The following TAF2 variants were observed in gnomAD, a reference collection of about 807,000 sequenced individuals.
TAF2 encodes the protein transcription initiation factor TFIID subunit 2.
A neutral mutation model predicts 138.5 loss-of-function variants in TAF2; 61 were observed. The ratio of observed to expected loss-of-function variants is 0.44; its 90% CI spans 0.36 to 0.54. The LOEUF (loss-of-function observed/expected upper bound fraction) is 0.54. Among genes scored for constraint, TAF2 ranks in the 20% least tolerant of loss-of-function variants. The pLI, the probability that TAF2 is intolerant of heterozygous loss-of-function variation, is 0.00. For missense variants in TAF2, 1,090 were observed against 1,427.9 expected (o/e 0.76, Z 3.81); for synonymous variants, 475 against 469.9 (o/e 1.01, Z -0.14).
chr8:119,786,875 C>T (rs546747569), intron 14 of TAF2, among the ~76,000 whole-genome samples: 67 of 152,174 alleles, frequency 4.4e-4, no homozygotes, highest in African/African-American at 1.5e-3. Flanking sequence ...GAGCTGAGAT[C>T]GCGCCACTGC....
chr8:119,815,882 G>A (rs1054814659), intron 3 of TAF2, among the ~76,000 whole-genome samples: 2 of 152,038 alleles, frequency 1.3e-5, no homozygotes, highest in Non-Finnish European at 2.9e-5. Flanking sequence ...GCTTATACAC[G>A]TTACATAACC....
intron 18 of TAF2, among the ~76,000 whole-genome samples, chr8:119,767,333 G>T (rs1259229272): frequency 6.6e-6 from 1 of 152,136 alleles, no homozygotes; most frequent in African/African-American, 2.4e-5. Context: ...TCAGAGAAGC[G>T]ACGGGAATCA....
chr8:119,832,783 A>C lies in TAF2; in HGVS notation c.-219T>G. Reference sequence around the variant, plus strand: ...CCGTCGACAAGCTTCTGTCACAGAGATGCTCCTCTCCGCAAGGGCTCGAAG... The same window carrying C: ...CCGTCGACAAGCTTCTGTCACAGAGCTGCTCCTCTCCGCAAGGGCTCGAAG... On this transcript the variant is annotated 5_prime_UTR_variant, in exon 1 of 26. Transcript: ENST00000378164. 3.9e-6 allele frequency: 2 copies of C among 506,560 alleles called. No individual in the cohort carries two copies. The highest frequency in any genetic ancestry group is 7.0e-6 in the Non-Finnish European group (2 of 285,092). The allele number at this position is 506,560 out of a possible 1,614,324, so 31.4% of individuals were successfully genotyped here. A position where few individuals can be genotyped will look rare whatever the true frequency, so the allele number is the denominator to read the frequency against.
chr8:119,785,000 T>A (rs1314595462), intron 15 of TAF2, among the ~76,000 whole-genome samples: 1 of 152,192 alleles, frequency 6.6e-6, no homozygotes, highest in African/African-American at 2.4e-5. Flanking sequence ...TAATTTCACC[T>A]AGGCCCTGGC....
At chr8:119,805,967 C>A (rs763449863) in intron 4 of TAF2, among the ~76,000 whole-genome samples, 3 of 151,054 alleles carry the variant, frequency 2.0e-5, no homozygotes, top group Non-Finnish European at 2.9e-5. Context: ...TGCAGGGGTG[C>A]GATCTCAGCT....
intron 20 of TAF2, 35 bp from the exon 21 acceptor site, chr8:119,758,177 A>G: frequency 6.6e-7 from 1 of 1,520,620 alleles, no homozygotes; most frequent in Non-Finnish European, 9.1e-7. Context: ...GTTGTTAATT[A>G]TAACAAATTA....
intron 2 of TAF2, among the ~76,000 whole-genome samples, chr8:119,825,982 G>A (rs574423406): frequency 9.2e-5 from 14 of 151,838 alleles, no homozygotes; most frequent in Middle Eastern, 6.8e-3. Context: ...GTGAGCCACC[G>A]TGCCTGGCCC....
chr8:119,784,643 T>C (rs190654422), intron 15 of TAF2, among the ~76,000 whole-genome samples: 2 of 152,302 alleles, frequency 1.3e-5, no homozygotes, highest in East Asian at 3.9e-4. Flanking sequence ...ATTAGAAAGT[T>C]TGAGCTGTAT....
chr8:119,823,565 G>A (rs1825919628), intron 2 of TAF2, among the ~76,000 whole-genome samples: 1 of 152,178 alleles, frequency 6.6e-6, no homozygotes, highest in Admixed American at 6.5e-5. Flanking sequence ...CCAGCCACGT[G>A]GAACTGTAAG....
chr8:119,742,245 C>T (rs1204642030), intron 25 of TAF2, among the ~76,000 whole-genome samples: 3 of 152,062 alleles, frequency 2.0e-5, no homozygotes, highest in Admixed American at 1.3e-4. Context: ...AATTAAATGG[C>T]ATTATCTTTT....
intron 14 of TAF2, among the ~76,000 whole-genome samples, chr8:119,786,590 A>G (rs1311466919): frequency 1.3e-5 from 2 of 152,220 alleles, no homozygotes; most frequent in Non-Finnish European, 2.9e-5. Context: ...AAATGAGGAA[A>G]AAAAGATACC....
chr8:119,804,484 A>G (rs1346102880), intron 4 of TAF2, among the ~76,000 whole-genome samples: 1 of 152,158 alleles, frequency 6.6e-6, no homozygotes, highest in East Asian at 1.9e-4. Context: ...TCACAGGGGC[A>G]AGTCTTTCCC....
intron 2 of TAF2, among the ~76,000 whole-genome samples, chr8:119,821,036 C>T (rs1189713104): frequency 1.3e-5 from 2 of 151,836 alleles, no homozygotes; most frequent in Admixed American, 1.3e-4. Context: ...TAAAGAAGTA[C>T]TGTCAACTGC....
At chr8:119,791,163 T>G (rs1823402221) in intron 11 of TAF2, among the ~76,000 whole-genome samples, 161 bp downstream of exon 11, 1 of 152,192 alleles carries the variant, frequency 6.6e-6, no homozygotes, top group Non-Finnish European at 1.5e-5. Flanking sequence ...TTGATACCCA[T>G]TCTACATCTG....
chr8:119,819,335 G>C lies in TAF2; in HGVS notation c.299+11C>G, dbSNP rs774003035. Reference sequence around the variant, plus strand: ...TGTTAAAAATAGTGACTTTTAAAGTGCATAACTTACTGTTTTGATTCACTG... The same window carrying C: ...TGTTAAAAATAGTGACTTTTAAAGTCCATAACTTACTGTTTTGATTCACTG... On this transcript the variant is annotated intron_variant, in intron 3 of 25. Transcript: ENST00000378164. 3 of 1,611,594 alleles carry C rather than the reference G, an allele frequency of 1.9e-6. No individual in the cohort carries two copies. The African/African-American group carries it at 4.0e-5, about 22-fold the overall frequency.
intron 18 of TAF2, among the ~76,000 whole-genome samples, chr8:119,776,822 C>G (rs1202825654): frequency 6.6e-6 from 1 of 152,284 alleles, no homozygotes; most frequent in South Asian, 2.1e-4. Flanking sequence ...ATCTTTATGA[C>G]TCAGTTTGAG....
intron 25 of TAF2, 125 bp from the exon 26 acceptor site, chr8:119,732,311 T>G (rs1563804686): frequency 3.5e-6 from 3 of 848,334 alleles, no homozygotes; most frequent in East Asian, 2.5e-5. Flanking sequence ...CTATCAGGAA[T>G]GGGAGAAGTA....
In TAF2 at chr8:119,788,646, T is replaced by C. The variant is rs1823203677; in HGVS notation, c.1683+144A>G. 9 of 800,946 alleles carry C rather than the reference T, an allele frequency of 1.1e-5. No homozygotes were observed. The Middle Eastern group carries it at 8.5e-4, about 76-fold the overall frequency. 49.6% of individuals were successfully genotyped at this position (800,946 alleles called of 1,614,324 possible). On this transcript the variant is annotated intron_variant, in intron 13 of 25. Transcript: ENST00000378164. The stretch of plus-strand genomic sequence containing the variant: ...AGAAATCTCTGTACTTCCTCTTCCC[T>C]TCTTTGACAAAGTCAATGTTTTCTC...
chr8:119,811,578 G>C (rs948356543), intron 3 of TAF2, among the ~76,000 whole-genome samples: 2 of 151,722 alleles, frequency 1.3e-5, no homozygotes, highest in African/African-American at 4.8e-5. Flanking sequence ...AGGCCGAGGC[G>C]GGCAGATCAC....
Sources: allele counts gnomAD v4.1 joint callset (sites outside exome capture counted in the v4.1 genomes callset), GRCh38; gene constraint gnomAD v4.1.1; transcripts MANE v1.5; gene names NCBI Gene and HGNC (gene_info 2026-07-23, HGNC 2026-07-21).